Variants in OPRM1 observed in about 807,000 individuals in gnomAD.
OPRM1 encodes the protein mu-type opioid receptor.
A neutral mutation model predicts 31.8 loss-of-function variants in OPRM1; 27 were observed. That is an observed-to-expected ratio of 0.85 (90% confidence interval 0.63 to 1.17). The LOEUF (loss-of-function observed/expected upper bound fraction) is 1.17, where lower values mean the gene tolerates loss of function less well. OPRM1 is among the 50% of genes most tolerant of loss of function. The pLI is 0.00. For missense variants in OPRM1, 536 were observed against 511.1 expected (o/e 1.05, Z -0.47); for synonymous variants, 196 against 189.9 (o/e 1.03, Z -0.26).
intron 3 of OPRM1, among the ~76,000 whole-genome samples, chr6:154,235,228 A>G (rs1210751871): frequency 6.6e-6 from 1 of 152,242 alleles, no homozygotes; most frequent in African/African-American, 2.4e-5. Context: ...CTCTTTGAAT[A>G]TTAGAGATTT....
In OPRM1 at chr6:154,129,887, A is replaced by AC. The variant is rs1797796409; in HGVS notation, c.*11167dup. ...ACACACACACACACACACACACACAACATAGTGAAATGGACCCGTGGGAAT... is the reference window on the plus strand; with the variant it reads ...ACACACACACACACACACACACACAACCATAGTGAAATGGACCCGTGGGAAT... On this transcript the variant is annotated 3_prime_UTR_variant, in exon 4 of 4. Transcript: ENST00000330432. Among the ~76,000 whole-genome samples the AC allele has an allele frequency of 6.9e-6, 1 of 144,326 alleles. No homozygotes were observed. Among genetic ancestry groups the AC allele is most frequent in the African/African-American group, 2.8e-5 (1 of 35,860 alleles). The allele number at this position is 144,326 out of a possible 152,430, so 94.7% of individuals were successfully genotyped here.
chr6:154,026,954 TG>T (rs57876429), intron 1 of OPRM1, among the ~76,000 whole-genome samples: 4,389 of 152,314 alleles, frequency 0.029, 204 homozygotes, highest in African/African-American at 0.1. Flanking sequence ...TAGTCCCTGG[TG>T]GCTTATTTAG....
intron 3 of OPRM1, among the ~76,000 whole-genome samples, chr6:154,237,126 A>G (rs969111537): frequency 2.6e-5 from 4 of 152,198 alleles, no homozygotes; most frequent in African/African-American, 4.8e-5. Context: ...TGACCCTTAA[A>G]AGAGCTTGCT....
At chr6:154,142,009 A>T (rs1798225815) in intron 3 of OPRM1, among the ~76,000 whole-genome samples, 1 of 152,192 alleles carries the variant, frequency 6.6e-6, no homozygotes, top group Non-Finnish European at 1.5e-5. Flanking sequence ...TGGTACTGGT[A>T]TCATCTTTGA....
In OPRM1 at chr6:154,130,460, G is replaced by A. The variant is rs904556180; in HGVS notation, c.*11739G>A. On this transcript the variant is annotated 3_prime_UTR_variant, in exon 4 of 4. Transcript: ENST00000330432. ...TGGGATTACAGGTGTGAGCCACTGC[G>A]CCTGGCCAGAAATGTTTAAAATTTC... 2.6e-5 allele frequency among the ~76,000 whole-genome samples: 4 copies of A among 151,948 alleles called. No homozygotes were observed. The highest frequency in any genetic ancestry group is 5.9e-5 in the Non-Finnish European group (4 of 67,998).
chr6:154,055,379 C>T (rs958300195), intron 1 of OPRM1, among the ~76,000 whole-genome samples: 17 of 150,710 alleles, frequency 1.1e-4, no homozygotes, highest in African/African-American at 4.1e-4. Flanking sequence ...CAGAGTGAAA[C>T]ATCGTCTGAA....
chr6:154,153,908 G>C (rs1187819769), intron 3 of OPRM1, among the ~76,000 whole-genome samples: 1 of 152,210 alleles, frequency 6.6e-6, no homozygotes, highest in Non-Finnish European at 1.5e-5. Context: ...TGCTCTATTT[G>C]TGGTAATTTG....
chr6:154,110,569 T>C (rs1446874841), intron 3 of OPRM1: 1 of 594,048 alleles, frequency 1.7e-6, no homozygotes, highest in Non-Finnish European at 3.0e-6. Context: ...AGCAGGAGTT[T>C]CCGAGCTCTT....
chr6:154,074,112 G>A (rs1787353377), intron 1 of OPRM1: 1 of 152,184 alleles, frequency 6.6e-6, no homozygotes, highest in African/African-American at 2.4e-5. Flanking sequence ...AACAAGCAAA[G>A]CATAGCAACC....
At chr6:154,142,773 A>G (rs994909406) in intron 3 of OPRM1, among the ~76,000 whole-genome samples, 1 of 152,186 alleles carries the variant, frequency 6.6e-6, no homozygotes, top group Non-Finnish European at 1.5e-5. Context: ...TCTACTGAGA[A>G]GGCAAGAATT....
intron 3 of OPRM1, among the ~76,000 whole-genome samples, chr6:154,230,593 C>T (rs189739172): frequency 7.2e-5 from 11 of 152,112 alleles, no homozygotes; most frequent in East Asian, 3.9e-4. Context: ...CGTGTATTCC[C>T]GAGTCTAAAT....
At chr6:154,114,876 T>TAAA in intron 3 of OPRM1, among the ~76,000 whole-genome samples, 1 of 138,666 alleles carries the variant, frequency 7.2e-6, no homozygotes, top group Non-Finnish European at 1.6e-5. Flanking sequence ...GAATTCTAAT[T>TAAA]AAAAAAAAAA....
chr6:154,194,648 C>A (rs1776440059), intron 3 of OPRM1, among the ~76,000 whole-genome samples: 1 of 152,140 alleles, frequency 6.6e-6, no homozygotes, highest in African/African-American at 2.4e-5. Flanking sequence ...ACCTACCACT[C>A]CTAACTCCTA....
At chr6:154,091,741 T>C in intron 3 of OPRM1, 1 of 1,186,928 alleles carries the variant, frequency 8.4e-7, no homozygotes, top group African/African-American at 1.6e-5. Flanking sequence ...TTTACTTCTA[T>C]GCAAAATTTA....
intron 3 of OPRM1, among the ~76,000 whole-genome samples, chr6:154,140,709 G>T (rs1250338114): frequency 6.6e-6 from 1 of 152,134 alleles, no homozygotes; most frequent in Non-Finnish European, 1.5e-5. Flanking sequence ...AGGCCATTAT[G>T]AATCATAGAT....
exon 4 of OPRM1, chr6:154,246,730 G>C: frequency 6.2e-7 from 1 of 1,613,806 alleles, no homozygotes; most frequent in Admixed American, 1.7e-5. Context: ...ATCTTTACAC[G>C]ATATCCTCCT....
intron 3 of OPRM1, among the ~76,000 whole-genome samples, chr6:154,181,722 AG>A (rs961097695): frequency 2.0e-5 from 3 of 152,208 alleles, no homozygotes; most frequent in Admixed American, 6.5e-5. Flanking sequence ...CTGTCTCCAC[AG>A]GGCCGCAGGG....
rs1780151333 is a variant in OPRM1, at chr6:154,041,941, A to T, written c.290+2107A>T. Among the ~76,000 whole-genome samples, 2 of 152,198 alleles carry T rather than the reference A, an allele frequency of 1.3e-5. 1 individual carries two copies. Among genetic ancestry groups the T allele is most frequent in the South Asian group, 4.1e-4 (2 of 4,830 alleles). On this transcript the variant is annotated intron_variant, in intron 1 of 3. Coordinates refer to ENST00000330432, the MANE Select transcript of OPRM1 (RefSeq NM_000914.5). ...TGGCAACTGGCTGTGAAATGAGCAG[A>T]TTGGTCTTATTCCAGTGTAGAAGAG...
intron 3 of OPRM1, among the ~76,000 whole-genome samples, chr6:154,165,603 G>A (rs1799362868): frequency 6.6e-6 from 1 of 152,216 alleles, no homozygotes; most frequent in Non-Finnish European, 1.5e-5. Context: ...CAAATGTCCA[G>A]AAAGAGCAGT....
Sources: allele counts gnomAD v4.1 joint callset (sites outside exome capture counted in the v4.1 genomes callset), GRCh38; gene constraint gnomAD v4.1.1; transcripts MANE v1.5; gene names NCBI Gene and HGNC (gene_info 2026-07-23, HGNC 2026-07-21).